Variants in CDH12 observed in about 807,000 individuals in gnomAD.
CDH12 encodes the protein cadherin-12.
CDH12 carries 41 observed loss-of-function variants against 74.1 expected under a neutral mutation model. That is an observed-to-expected ratio of 0.55 (90% CI 0.43 to 0.72). CDH12 has a LOEUF of 0.72. Ranked by LOEUF, CDH12 falls within the 30% of genes least tolerant of loss-of-function variation. CDH12 has a pLI of 0.00. For missense variants in CDH12, 945 were observed against 977.2 expected (o/e 0.97, Z 0.44); for synonymous variants, 399 against 355.0 (o/e 1.12, Z -1.39).
intron 1 of CDH12, among the ~76,000 whole-genome samples, chr5:22,808,895 C>T (rs1024339432): frequency 5.9e-5 from 9 of 151,314 alleles, no homozygotes; most frequent in African/African-American, 1.7e-4. Flanking sequence ...GGGTGTGCCA[C>T]CACACCCAGC....
intron 3 of CDH12, among the ~76,000 whole-genome samples, chr5:22,218,652 G>A (rs1272562236): frequency 6.6e-6 from 1 of 151,638 alleles, no homozygotes; most frequent in Non-Finnish European, 1.5e-5. Flanking sequence ...GATTATGATG[G>A]TGGCTTCACA....
At chr5:21,854,462 G>T (rs1402584374) in intron 7 of CDH12, among the ~76,000 whole-genome samples, 5 of 151,700 alleles carry the variant, frequency 3.3e-5, no homozygotes, top group African/African-American at 1.2e-4. Context: ...ACTTTAGAAA[G>T]ATATGTTAAA....
chr5:22,021,750 T>G (rs1449177127), intron 5 of CDH12, among the ~76,000 whole-genome samples: 1 of 152,218 alleles, frequency 6.6e-6, no homozygotes, highest in East Asian at 1.9e-4. Context: ...GTATAGATTG[T>G]GTTGGCTTGA....
rs1746032074 is a variant in CDH12, at chr5:21,783,491, G to A, written c.1260C>T (p.Tyr420=). The A allele has an allele frequency of 6.2e-7, 1 of 1,603,526 alleles. No individual in the cohort carries two copies. The highest frequency in any genetic ancestry group is 8.5e-7 in the Non-Finnish European group (1 of 1,171,076). The part of the protein sequence containing the change: ...DLDVGSSAVR[Y]FIDWKSDGDS... The stretch of plus-strand genomic sequence containing the variant: ...CCCCATCACTCTTCCAATCTATGAA[G>A]TACCTGTATATGAAAAGAGTAGATG... The change falls in exon 11 of 15, where the codon TAC becomes TAT. Residue 420 remains tyrosine (Y), a synonymous_variant. Coordinates refer to ENST00000382254, the MANE Select transcript of CDH12 (RefSeq NM_004061.5).
rs965207318 is a variant in CDH12 at position 22,150,567 on chromosome 5, A to T, written c.-187+61931T>A. On this transcript the variant is annotated intron_variant, in intron 4 of 14. Transcript: ENST00000382254. ...ATATATATATGAAACATAAGAATTT[A>T]TGTATAGCTATGCTGAACATTTGGC... is the stretch of plus-strand genomic sequence containing the variant. Among the ~76,000 whole-genome samples, 71 of 152,086 alleles carry T rather than the reference A, an allele frequency of 4.7e-4. 1 individual carries two copies. Among genetic ancestry groups the T allele is most frequent in the Non-Finnish European group, 6.8e-4 (46 of 68,006 alleles).
At chr5:22,570,313 T>C (rs886308052) in intron 1 of CDH12, among the ~76,000 whole-genome samples, 3 of 152,080 alleles carry the variant, frequency 2.0e-5, no homozygotes, top group Non-Finnish European at 4.4e-5. Context: ...CCTCCTGAAG[T>C]GCTGGGATTA....
chr5:22,441,736 G>T (rs1311834201), intron 2 of CDH12, among the ~76,000 whole-genome samples: 6 of 151,938 alleles, frequency 3.9e-5, no homozygotes, highest in Non-Finnish European at 7.4e-5. Flanking sequence ...AGACAGTCTT[G>T]CTCTGTCGCC....
chr5:22,733,055 A>G (rs1188803554), intron 1 of CDH12, among the ~76,000 whole-genome samples: 1 of 152,022 alleles, frequency 6.6e-6, no homozygotes, highest in Non-Finnish European at 1.5e-5. Flanking sequence ...TGCCAAAACA[A>G]GAGTCATTGA....
At chr5:21,993,156 G>A (rs1736053539) in intron 5 of CDH12, among the ~76,000 whole-genome samples, 1 of 152,044 alleles carries the variant, frequency 6.6e-6, no homozygotes, top group Non-Finnish European at 1.5e-5. Context: ...GGTGGAGGGT[G>A]GACATAGAGC....
chr5:22,671,039 A>T (rs1201297705), intron 1 of CDH12, among the ~76,000 whole-genome samples: 1 of 152,002 alleles, frequency 6.6e-6, no homozygotes, highest in African/African-American at 2.4e-5. Flanking sequence ...ATATATATAT[A>T]TATAATGACA....
At chr5:22,325,781 A>T (rs7713389) in intron 3 of CDH12, among the ~76,000 whole-genome samples, 54,930 of 151,766 alleles carry the variant, frequency 0.36, 10,129 homozygotes, top group South Asian at 0.47. Flanking sequence ...GGTAGCGGTC[A>T]TCTGTAGTCC....
At chr5:21,796,148 C>G (rs971795440) in intron 10 of CDH12, among the ~76,000 whole-genome samples, 4 of 151,994 alleles carry the variant, frequency 2.6e-5, no homozygotes, top group Non-Finnish European at 5.9e-5. Flanking sequence ...ACAGATGCCC[C>G]TTGACTTACC....
intron 2 of CDH12, among the ~76,000 whole-genome samples, chr5:22,488,790 T>G (rs146597460): frequency 1.3e-5 from 2 of 152,154 alleles, no homozygotes; most frequent in Non-Finnish European, 2.9e-5. Flanking sequence ...TCACAAAGGT[T>G]TCCATAAAGA....
intron 9 of CDH12, among the ~76,000 whole-genome samples, chr5:21,814,936 A>G (rs1276596651): frequency 2.0e-5 from 3 of 151,962 alleles, no homozygotes; most frequent in Non-Finnish European, 2.9e-5. Flanking sequence ...AACAAACTAA[A>G]TAACAATGAA....
chr5:22,183,361 C>A (rs1749752098), intron 4 of CDH12, among the ~76,000 whole-genome samples: 2 of 151,942 alleles, frequency 1.3e-5, no homozygotes, highest in African/African-American at 4.8e-5. Flanking sequence ...AGCTATAAAG[C>A]CTGTTGTAAA....
At chr5:22,315,138 T>A (rs1738574123) in intron 3 of CDH12, among the ~76,000 whole-genome samples, 1 of 128,272 alleles carries the variant, frequency 7.8e-6, no homozygotes, top group African/African-American at 2.9e-5. Context: ...TTTTTTTTTT[T>A]TTTTTAGTAG....
intron 1 of CDH12, among the ~76,000 whole-genome samples, chr5:22,640,666 C>T (rs1739100307): frequency 6.6e-6 from 1 of 152,106 alleles, no homozygotes; most frequent in East Asian, 1.9e-4. Flanking sequence ...TCTTATAATA[C>T]CACCAACCTG....
intron 14 of CDH12, among the ~76,000 whole-genome samples, chr5:21,752,988 C>CT (rs201557512): frequency 0.022 from 3,277 of 152,254 alleles, 53 homozygotes; most frequent in Middle Eastern, 0.048. Context: ...AATTTATGTA[C>CT]TTTTATTATC....
chr5:22,578,387 G>GT (rs1491430363), intron 1 of CDH12, among the ~76,000 whole-genome samples: 383 of 23,144 alleles, frequency 0.017, 4 homozygotes, highest in African/African-American at 0.1. Flanking sequence ...TTGTGTGTGT[G>GT]GGGGGGGGGT....
Sources: allele counts gnomAD v4.1 joint callset (sites outside exome capture counted in the v4.1 genomes callset), GRCh38; gene constraint gnomAD v4.1.1; transcripts MANE v1.5; gene names NCBI Gene and HGNC (gene_info 2026-07-23, HGNC 2026-07-21).